TARS3: variants seen among roughly 807,000 people sequenced by gnomAD.
TARS3 encodes the protein threonyl-tRNA synthetase 3.
TARS3 carries 94 observed loss-of-function variants against 103.5 expected under a neutral mutation model. The ratio of observed to expected loss-of-function variants is 0.91; its 90% CI spans 0.77 to 1.08. TARS3 has a LOEUF of 1.08. TARS3 is among the 50% of genes least tolerant of loss of function. The pLI, the probability that TARS3 is intolerant of heterozygous loss-of-function variation, is 0.00. For missense variants in TARS3, 952 were observed against 995.2 expected (o/e 0.96, Z 0.58); for synonymous variants, 416 against 355.4 (o/e 1.17, Z -1.92).
Position 101,708,889 on chromosome 15 carries a change from C to G in TARS3, c.834G>C (p.Leu278Phe). The G allele has an allele frequency of 6.2e-7, 1 of 1,605,606 alleles. No homozygotes were observed. Among genetic ancestry groups the G allele is most frequent in the Non-Finnish European group, 8.5e-7 (1 of 1,176,828 alleles). The change falls in exon 6 of 19, where the codon TTG becomes TTC. Residue 278 changes from leucine to phenylalanine, a missense_variant. Physicochemically the swap from Leu to Phe is conservative, Grantham distance 22. Transcript: ENST00000335968. ...IEDRAVSSTE[L>F]SALENICKAI... ...CTTTACATATATTCTCCAGGGCTGA[C>G]AATTCTGTGCTGGACACTGCTCTAA... is the stretch of plus-strand genomic sequence containing the variant.
intron 7 of TARS3, 144 bp from the exon 8 acceptor site, chr15:101,704,081 A>G: frequency 1.8e-6 from 1 of 548,930 alleles, no homozygotes. Context: ...TGAAGGAGAG[A>G]GGTGATTCAT....
intron 3 of TARS3, among the ~76,000 whole-genome samples, chr15:101,715,449 T>C (rs1483842676): frequency 6.6e-6 from 1 of 152,168 alleles, no homozygotes; most frequent in Admixed American, 6.5e-5. Flanking sequence ...CCCAGCCACA[T>C]TCACTGTTTA....
At chr15:101,655,541 G>C (rs1053917829) in intron 18 of TARS3, among the ~76,000 whole-genome samples, 5 of 143,806 alleles carry the variant, frequency 3.5e-5, no homozygotes, top group African/African-American at 8.0e-5. Flanking sequence ...AAATGAGAGC[G>C]GGGAGCTCTT....
intron 13 of TARS3, among the ~76,000 whole-genome samples, chr15:101,675,300 C>T (rs184924098): frequency 3.2e-4 from 49 of 152,218 alleles, no homozygotes; most frequent in Non-Finnish European, 4.0e-4. Flanking sequence ...CCACACAAAC[C>T]GAGAGTTACA....
In TARS3 at chr15:101,664,871, C is replaced by T. The variant is rs116165975; in HGVS notation, c.1968-3055G>A. On this transcript the variant is annotated intron_variant, in intron 15 of 18. Coordinates refer to ENST00000335968, the MANE Select transcript of TARS3 (RefSeq NM_152334.3). ...TGTACCCCAGGAAGCAGGGTAAACA[C>T]ACCTGGAGTGACTGGAAAGACCAAA... Among the ~76,000 whole-genome samples, 594 of 152,296 alleles carry T rather than the reference C, an allele frequency of 3.9e-3. 5 individuals carry two copies. Among genetic ancestry groups the T allele is most frequent in the African/African-American group, 0.013 (554 of 41,552 alleles).
chr15:101,709,263 C>T (rs1317551086), intron 5 of TARS3, among the ~76,000 whole-genome samples: 2 of 152,226 alleles, frequency 1.3e-5, no homozygotes, highest in African/African-American at 4.8e-5. Context: ...GTGCTCATCA[C>T]GTCCCTGCCC....
At chr15:101,708,751 T>C (rs756917369) in intron 6 of TARS3, 42 bp downstream of exon 6, 1 of 1,321,442 alleles carries the variant, frequency 7.6e-7, no homozygotes, top group Non-Finnish European at 1.1e-6. Flanking sequence ...ATATTGATTT[T>C]TAATATTCCT....
Position 101,724,231 on chromosome 15 carries a change from C to G in TARS3, c.157G>C (p.Glu53Gln). 6.5e-7 allele frequency: 1 copy of G among 1,548,590 alleles called. No individual in the cohort carries two copies. Among genetic ancestry groups the G allele is most frequent in the East Asian group, 2.5e-5 (1 of 40,592 alleles). ...TTCTCGGCCCGGAGCTGCGCCACCT[C>G]CCGCGTGAGGCACGGCCCCTCCGCC... ...CQAEGPCLTREVAQLRAENCD... is the reference protein window; with the variant it reads ...CQAEGPCLTRQVAQLRAENCD... The change falls in exon 1 of 19, where the codon GAG (glutamate) becomes CAG (glutamine). Residue 53 changes from glutamate to glutamine, a missense_variant. By Grantham distance (29) the Glu-to-Gln change is conservative (BLOSUM62 2). This residue lies in a region of TARS3 where 412 missense variants were observed against 364.2 expected (regional missense o/e 1.13). Transcript: ENST00000335968.
intron 13 of TARS3, among the ~76,000 whole-genome samples, chr15:101,672,844 G>A (rs991845492): frequency 2.0e-5 from 3 of 152,216 alleles, no homozygotes; most frequent in South Asian, 2.1e-4. Flanking sequence ...AAGGAACACA[G>A]GTACATGTTT....
At chr15:101,722,287 T>C (rs909533786) in intron 2 of TARS3, among the ~76,000 whole-genome samples, 6 of 151,400 alleles carry the variant, frequency 4.0e-5, no homozygotes, top group African/African-American at 1.5e-4. Context: ...TTCTACTGTT[T>C]ACAGAACGTG....
At chr15:101,699,119 T>G (rs1899126882) in intron 10 of TARS3, among the ~76,000 whole-genome samples, 1 of 152,204 alleles carries the variant, frequency 6.6e-6, no homozygotes, top group Non-Finnish European at 1.5e-5. Context: ...ACTTGGCATC[T>G]AACAAAATAT....
At chr15:101,668,524 C>T (rs961352104) in intron 15 of TARS3, among the ~76,000 whole-genome samples, 1 of 152,096 alleles carries the variant, frequency 6.6e-6, no homozygotes, top group African/African-American at 2.4e-5. Context: ...TGAAATACTG[C>T]AAGAATTACC....
chr15:101,714,027 G>C (rs1310380299), intron 4 of TARS3, among the ~76,000 whole-genome samples: 2 of 152,120 alleles, frequency 1.3e-5, no homozygotes. Context: ...CATAACTTAG[G>C]TTTCATGAAG....
chr15:101,671,535 T>C lies in TARS3; in HGVS notation c.1918A>G (p.Ile640Val), dbSNP rs1337047902. The C allele has an allele frequency of 2.5e-6, 4 of 1,612,034 alleles. No individual in the cohort carries two copies. Among genetic ancestry groups the C allele is most frequent in the East Asian group, 2.2e-5 (1 of 44,802 alleles). Residue 640 changes from isoleucine to valine, a missense_variant, in exon 15 of 19, where the codon ATT becomes GTT. Ile to Val is a conservative substitution (Grantham distance 29). Transcript: ENST00000335968. ...AIGRYHQCAT[I>V]QLDFQLPIRF... Reference sequence around the variant, plus strand: ...ATAGGCAGTTGGAAGTCCAGCTGAATTGTAGCACATTGATGGTATCTGCCA... The same window carrying C: ...ATAGGCAGTTGGAAGTCCAGCTGAACTGTAGCACATTGATGGTATCTGCCA...
At chr15:101,706,590 A>G (rs1456134489) in intron 6 of TARS3, among the ~76,000 whole-genome samples, 1 of 152,222 alleles carries the variant, frequency 6.6e-6, no homozygotes, top group African/African-American at 2.4e-5. Context: ...TTAATCAATA[A>G]AATTCTGACA....
At chr15:101,717,998 A>T (rs538293310) in intron 3 of TARS3, among the ~76,000 whole-genome samples, 1 of 152,378 alleles carries the variant, frequency 6.6e-6, no homozygotes, top group Admixed American at 6.5e-5. Flanking sequence ...TTGTGATAGT[A>T]TATCAAAATA....
At chr15:101,655,561 C>T (rs1158510795) in intron 18 of TARS3, among the ~76,000 whole-genome samples, 8 of 142,944 alleles carry the variant, frequency 5.6e-5, no homozygotes, top group Non-Finnish European at 1.2e-4. Flanking sequence ...TACAGACTCA[C>T]AGTGACTCCA....
chr15:101,682,232 T>C (rs1392625206), intron 12 of TARS3, among the ~76,000 whole-genome samples: 85 of 152,198 alleles, frequency 5.6e-4, no homozygotes, highest in Non-Finnish European at 5.9e-5. Flanking sequence ...ATTCAGACTC[T>C]CACTATTAAG....
chr15:101,664,927 CA>C (rs1567324098), intron 15 of TARS3, among the ~76,000 whole-genome samples: 5 of 152,038 alleles, frequency 3.3e-5, no homozygotes, highest in Non-Finnish European at 7.4e-5. Context: ...ACACGAACAA[CA>C]GAGATTGTAG....
Sources: gnomAD v4.1 joint callset for allele counts (sites outside exome capture counted in the v4.1 genomes callset) on GRCh38, gnomAD v4.1.1 for gene constraint, gnomAD v4.1.1 regional missense constraint, MANE v1.5 for transcripts, NCBI Gene and HGNC (gene_info 2026-07-23, HGNC 2026-07-21) for gene names.